The following HCN1 variants were observed in gnomAD, a reference collection of about 807,000 sequenced individuals.
The protein encoded by HCN1 is hyperpolarization activated cyclic nucleotide gated potassium channel 1, also known as potassium/sodium hyperpolarization-activated cyclic nucleotide-gated channel 1.
HCN1 carries 13 observed loss-of-function variants against 78.9 expected under a neutral mutation model. The ratio of observed to expected loss-of-function variants is 0.16; its 90% confidence interval spans 0.11 to 0.26. The LOEUF (loss-of-function observed/expected upper bound fraction) is 0.26. Ranked by LOEUF, HCN1 falls within the 10% of genes least tolerant of loss-of-function variation. The pLI is 1.00. For synonymous variants in HCN1, 552 were observed against 455.5 expected (o/e 1.21, Z -2.70); for missense variants, 810 against 1,154.3 (o/e 0.70, Z 4.32).
chr5:45,335,462 C>T (rs1746434101), intron 5 of HCN1, among the ~76,000 whole-genome samples: 1 of 152,036 alleles, frequency 6.6e-6, no homozygotes, highest in South Asian at 2.1e-4. Context: ...AGGAAACTGG[C>T]TGATAAAATG....
chr5:45,308,175 T>G (rs895468228), intron 5 of HCN1, among the ~76,000 whole-genome samples: 5 of 152,088 alleles, frequency 3.3e-5, no homozygotes, highest in African/African-American at 1.2e-4. Context: ...TCATGTGACA[T>G]GCAGGCTCCC....
Position 45,695,788 on chromosome 5 carries a change from C to T in HCN1, c.306G>A (p.Leu102=). The T allele has an allele frequency of 1.2e-6, 2 of 1,611,580 alleles. No homozygotes were observed. Among genetic ancestry groups the T allele is most frequent in the South Asian group, 2.2e-5 (2 of 91,082 alleles). Residue 102 remains leucine, a synonymous_variant, in exon 1 of 8, where the codon CTG becomes CTA. Transcript: ENST00000303230. The part of the protein sequence containing the change: ...GFMQRQFTSM[L]QPGVNKFSLR... ...GGGAGAATTTGTTGACCCCGGGCTG[C>T]AGCATGGAGGTGAACTGCCTCTGCA...
At chr5:45,300,220 T>C (rs1181834098) in intron 6 of HCN1, among the ~76,000 whole-genome samples, 1 of 152,008 alleles carries the variant, frequency 6.6e-6, no homozygotes, top group African/African-American at 2.4e-5. Flanking sequence ...TCATCAAATC[T>C]CCAGAAACTG....
chr5:45,371,519 G>A (rs909337506), intron 4 of HCN1, among the ~76,000 whole-genome samples: 2 of 151,778 alleles, frequency 1.3e-5, no homozygotes, highest in African/African-American at 4.8e-5. Flanking sequence ...AGCACTTTGG[G>A]AAGCCGAGGT....
chr5:45,666,899 G>C (rs1746061183), intron 1 of HCN1, among the ~76,000 whole-genome samples: 2 of 151,934 alleles, frequency 1.3e-5, no homozygotes, highest in African/African-American at 4.8e-5. Context: ...AGACAAATTG[G>C]AAGATATCCA....
At chr5:45,375,522 ATAT>A (rs1343804908) in intron 4 of HCN1, among the ~76,000 whole-genome samples, 2 of 31,172 alleles carry the variant, frequency 6.4e-5, no homozygotes, top group African/African-American at 2.7e-4. Flanking sequence ...TTTATGATAC[ATAT>A]TATATATAAG....
chr5:45,376,175 T>C (rs1747651385), intron 4 of HCN1, among the ~76,000 whole-genome samples: 2 of 33,990 alleles, frequency 5.9e-5, no homozygotes, highest in Admixed American at 4.4e-4. Context: ...TAATATATAA[T>C]ATATTACATA....
intron 2 of HCN1, among the ~76,000 whole-genome samples, chr5:45,579,089 T>C (rs1191246909): frequency 1.3e-5 from 2 of 152,054 alleles, no homozygotes; most frequent in Non-Finnish European, 2.9e-5. Context: ...TAAGTATCTG[T>C]TTATAAAATC....
chr5:45,548,669 T>C (rs1162668300), intron 2 of HCN1, among the ~76,000 whole-genome samples: 3 of 152,164 alleles, frequency 2.0e-5, no homozygotes, highest in East Asian at 3.9e-4. Flanking sequence ...GAGAAGGAAA[T>C]AAAGGGTATT....
chr5:45,633,644 T>C (rs963528167), intron 2 of HCN1, among the ~76,000 whole-genome samples: 3 of 152,030 alleles, frequency 2.0e-5, no homozygotes, highest in Admixed American at 2.0e-4. Context: ...TTATATCAGA[T>C]AGCACAGCTC....
intron 2 of HCN1, among the ~76,000 whole-genome samples, chr5:45,500,685 A>G (rs1396563419): frequency 6.6e-6 from 1 of 152,200 alleles, no homozygotes; most frequent in African/African-American, 2.4e-5. Context: ...ATCCGTCAGC[A>G]TGGTGATATA....
At chr5:45,615,327 A>G (rs1457918709) in intron 2 of HCN1, among the ~76,000 whole-genome samples, 1 of 152,080 alleles carries the variant, frequency 6.6e-6, no homozygotes, top group Non-Finnish European at 1.5e-5. Context: ...AGTAAAGTAT[A>G]AACATTCATT....
intron 2 of HCN1, among the ~76,000 whole-genome samples, chr5:45,535,144 A>G (rs543155085): frequency 1.3e-5 from 2 of 152,362 alleles, no homozygotes; most frequent in African/African-American, 4.8e-5. Context: ...AAATAAAGTA[A>G]AAAAATAAAT....
At chr5:45,687,786 T>G (rs1045713429) in intron 1 of HCN1, among the ~76,000 whole-genome samples, 1 of 152,154 alleles carries the variant, frequency 6.6e-6, no homozygotes, top group Non-Finnish European at 1.5e-5. Context: ...ACAGCCTCAA[T>G]GTACACATGC....
chr5:45,667,651 T>C, intron 1 of HCN1, among the ~76,000 whole-genome samples: 1 of 152,014 alleles, frequency 6.6e-6, no homozygotes. Context: ...GTCTGCAAGT[T>C]ATAAACTCAA....
At chr5:45,690,694 T>C (rs1739893800) in intron 1 of HCN1, among the ~76,000 whole-genome samples, 1 of 152,066 alleles carries the variant, frequency 6.6e-6, no homozygotes. Flanking sequence ...ATGCAGACTT[T>C]TTTCTTTATT....
intron 2 of HCN1, among the ~76,000 whole-genome samples, chr5:45,480,611 T>G (rs1212519768): frequency 6.6e-6 from 1 of 152,130 alleles, no homozygotes; most frequent in East Asian, 1.9e-4. Flanking sequence ...TCTTAACTCA[T>G]GAACAATGAC....
intron 2 of HCN1, among the ~76,000 whole-genome samples, chr5:45,632,205 T>C (rs1360321260): frequency 6.6e-6 from 1 of 151,978 alleles, no homozygotes; most frequent in East Asian, 1.9e-4. Context: ...CATTCTTCAG[T>C]TCAAGGTACA....
chr5:45,533,382 C>T (rs865844840), intron 2 of HCN1, among the ~76,000 whole-genome samples: 15 of 152,098 alleles, frequency 9.9e-5, no homozygotes, highest in African/African-American at 3.6e-4. Context: ...AGGCTTATTC[C>T]AGGGAGCTGC....
Sources: allele counts gnomAD v4.1 joint callset (sites outside exome capture counted in the v4.1 genomes callset), GRCh38; gene constraint gnomAD v4.1.1; transcripts MANE v1.5; gene names NCBI Gene and HGNC (gene_info 2026-07-23, HGNC 2026-07-21).